TANC1: variants seen among roughly 807,000 people sequenced by gnomAD.
TANC1 encodes protein TANC1.
Under a neutral mutation model 149.7 loss-of-function variants are expected in TANC1, and 77 were observed. The observed-to-expected ratio is 0.51, with a 90% confidence interval of 0.43 to 0.62. TANC1 has a LOEUF of 0.62. TANC1 is among the 20% of genes least tolerant of loss of function. The pLI is 0.00. For missense variants in TANC1, 1,985 were observed against 2,321.8 expected, an observed-to-expected ratio of 0.85 and a Z score of 2.98; for synonymous variants, 854 against 925.0, an observed-to-expected ratio of 0.92 and a Z score of 1.39.
At chr2:159,227,549 C>A (rs999696208) in intron 24 of TANC1, 1 of 415,228 alleles carries the variant, frequency 2.4e-6, no homozygotes, top group Non-Finnish European at 4.2e-6. Flanking sequence ...TGGTAATTAT[C>A]AATCTAGCAG....
At chr2:158,987,523 G>A (rs1018255483) in intron 1 of TANC1, among the ~76,000 whole-genome samples, 9 of 152,054 alleles carry the variant, frequency 5.9e-5, no homozygotes, top group African/African-American at 2.2e-4. Flanking sequence ...GCGAGACCCT[G>A]TCTCAAAAAA....
chr2:159,128,859 T>C (rs191511263), intron 4 of TANC1, among the ~76,000 whole-genome samples: 33 of 152,342 alleles, frequency 2.2e-4, no homozygotes, highest in Non-Finnish European at 3.4e-4. Flanking sequence ...CCAAGACTTA[T>C]CTGGTAGTTT....
chr2:159,108,459 C>A (rs961639359), intron 4 of TANC1, among the ~76,000 whole-genome samples: 3 of 152,214 alleles, frequency 2.0e-5, no homozygotes, highest in Admixed American at 2.0e-4. Flanking sequence ...AACCCAGTAC[C>A]ATGCTCAGAA....
rs2060363699 is a variant in TANC1, at chr2:159,232,369, A to G, written c.*1357A>G. 6.6e-6 allele frequency: 1 copy of G among 152,624 alleles called. No homozygotes were observed. The highest frequency in any genetic ancestry group is 2.1e-4 in the South Asian group (1 of 4,826). The allele number at this position is 152,624 out of a possible 1,614,324, so 9.5% of individuals were successfully genotyped here. A position where few individuals can be genotyped will look rare whatever the true frequency, so the allele number is the denominator to read the frequency against. ...CTAAAATTGAGGAGAAGGAAGTTAT[A>G]TATTTGCAGAATGTTTTAAAGTGAA... On this transcript the variant is annotated 3_prime_UTR_variant, in exon 27 of 27. Coordinates refer to ENST00000263635, the MANE Select transcript of TANC1 (RefSeq NM_033394.3).
At chr2:159,057,836 GA>G (rs1185882335) in intron 2 of TANC1, among the ~76,000 whole-genome samples, 2 of 152,218 alleles carry the variant, frequency 1.3e-5, no homozygotes, top group African/African-American at 4.8e-5. Context: ...GGTGTGTTTT[GA>G]AGTGGGTGGG....
chr2:159,019,276 A>C (rs954875160), intron 2 of TANC1, among the ~76,000 whole-genome samples: 2 of 152,222 alleles, frequency 1.3e-5, no homozygotes, highest in African/African-American at 4.8e-5. Flanking sequence ...TGAAGGAAGC[A>C]GCCAGCGATC....
At chr2:159,172,804 C>A (rs1032582121) in intron 11 of TANC1, among the ~76,000 whole-genome samples, 1 of 152,224 alleles carries the variant, frequency 6.6e-6, no homozygotes, top group Non-Finnish European at 1.5e-5. Flanking sequence ...CAACCGCACT[C>A]CTGCATTAAA....
rs201833605 is a variant in TANC1, at chr2:159,149,152, C to T, written c.375C>T (p.Ala125=). 1.8e-4 allele frequency: 288 copies of T among 1,593,680 alleles called. No homozygotes were observed. In the East Asian group the frequency reaches 4.6e-3, roughly 25 times the overall value. The change falls in exon 6 of 27, where the codon GCC becomes GCT. Residue 125 remains alanine, a synonymous_variant. Transcript: ENST00000263635. ...PTEPDEHEAK[A]DNEPSCSPAA... ...CTTTCTTTGTTCCAGAAGCAAAGGCCGATAATGAACCGAGCTGTTCGCCGG... is the reference window on the plus strand; with the variant it reads ...CTTTCTTTGTTCCAGAAGCAAAGGCTGATAATGAACCGAGCTGTTCGCCGG...
intron 19 of TANC1, among the ~76,000 whole-genome samples, chr2:159,215,902 T>A (rs967335064): frequency 1.4e-5 from 2 of 143,774 alleles, no homozygotes; most frequent in African/African-American, 5.5e-5. Flanking sequence ...TTCTTGAAGC[T>A]TGCTAATGAT....
At chr2:159,081,641 G>A (rs1467261925) in intron 3 of TANC1, among the ~76,000 whole-genome samples, 1 of 152,168 alleles carries the variant, frequency 6.6e-6, no homozygotes, top group Admixed American at 6.5e-5. Context: ...TTTGGATTTT[G>A]TGTATGGGAG....
intron 4 of TANC1, among the ~76,000 whole-genome samples, chr2:159,107,519 G>A (rs1357529812): frequency 1.3e-5 from 2 of 152,116 alleles, no homozygotes; most frequent in Non-Finnish European, 2.9e-5. Context: ...TCATTTTCTT[G>A]TGTGATGTGA....
intron 2 of TANC1, among the ~76,000 whole-genome samples, chr2:159,008,557 T>G (rs1306883292): frequency 1.3e-5 from 2 of 152,166 alleles, no homozygotes; most frequent in African/African-American, 4.8e-5. Flanking sequence ...ACCCAAAACG[T>G]CGAATCTTAC....
intron 1 of TANC1, among the ~76,000 whole-genome samples, chr2:158,999,726 T>G (rs2036458386): frequency 2.0e-5 from 3 of 152,176 alleles, no homozygotes; most frequent in Admixed American, 1.3e-4. Context: ...CATATGTAAG[T>G]GGCTGATGAT....
At chr2:159,005,306 A>G (rs62174270) in intron 2 of TANC1, among the ~76,000 whole-genome samples, 8,425 of 152,290 alleles carry the variant, frequency 0.055, 325 homozygotes, top group Non-Finnish European at 0.084. Flanking sequence ...GAATAAAACT[A>G]AAGGCCAGGT....
rs534489533 is a variant in TANC1, at chr2:159,034,151, C to T, written c.-15-31745C>T. On this transcript the variant is annotated intron_variant, in intron 2 of 26. Transcript: ENST00000263635. ...GCCCTGCCTCTACCTGCCAAAGCAGCCGGACTCAATGCAGATGCCATGCAG... is the reference window on the plus strand; with the variant it reads ...GCCCTGCCTCTACCTGCCAAAGCAGTCGGACTCAATGCAGATGCCATGCAG... 2.0e-5 allele frequency among the ~76,000 whole-genome samples: 3 copies of T among 152,332 alleles called. No individual in the cohort carries two copies. The East Asian group carries it at 5.8e-4, about 29-fold the overall frequency.
chr2:159,174,953 G>A lies in TANC1; in HGVS notation c.1504G>A (p.Val502Met), dbSNP rs1378526031. 1 of 1,613,462 alleles carries A rather than the reference G, an allele frequency of 6.2e-7. No homozygotes were observed. The highest frequency in any genetic ancestry group is 2.2e-5 in the East Asian group (1 of 44,868). Residue 502 changes from valine (V) to methionine (M), a missense_variant and splice_region_variant, in exon 12 of 27, where the codon GTG (valine) becomes ATG (methionine). Transcript: ENST00000263635. ...EDAVKYLASK[V>M]VAYHYCQADN... ...TGCTGACGGTTCTGCTTCCCCCTAG[G>A]TGGTGGCCTACCACTACTGCCAGGC...
At chr2:159,027,703 G>A (rs1042182939) in intron 2 of TANC1, among the ~76,000 whole-genome samples, 3 of 152,096 alleles carry the variant, frequency 2.0e-5, no homozygotes, top group Admixed American at 1.3e-4. Flanking sequence ...TCAGCTATCT[G>A]TTATAGCAAT....
rs1298047237 is a variant in TANC1, at chr2:159,172,220, G to A, written c.1451G>A (p.Ser484Asn). The change falls in exon 11 of 27, where the codon AGT (serine) becomes AAT (asparagine). Residue 484 changes from serine (S) to asparagine (N), a missense_variant. Transcript: ENST00000263635. Reference sequence around the variant, plus strand: ...GCTAAAACACCTCTTGGGTCTATCAGTGCTGAAAACCAGAGACCAAGAGAG... The same window carrying A: ...GCTAAAACACCTCTTGGGTCTATCAATGCTGAAAACCAGAGACCAAGAGAG... The part of the protein sequence containing the change: ...STAKTPLGSI[S>N]AENQRPREDA... 1 of 1,614,070 alleles carries A rather than the reference G, an allele frequency of 6.2e-7. No individual in the cohort carries two copies. The highest frequency in any genetic ancestry group is 8.5e-7 in the Non-Finnish European group (1 of 1,180,032).
At chr2:159,205,244 C>T (rs1313141463) in intron 19 of TANC1, among the ~76,000 whole-genome samples, 1 of 152,232 alleles carries the variant, frequency 6.6e-6, no homozygotes, top group Non-Finnish European at 1.5e-5. Flanking sequence ...GGGCTTCCCA[C>T]ATCCAAGGCT....
Sources: gnomAD v4.1 joint callset for allele counts (sites outside exome capture counted in the v4.1 genomes callset) on GRCh38, gnomAD v4.1.1 for gene constraint, MANE v1.5 for transcripts, NCBI Gene and HGNC (gene_info 2026-07-23, HGNC 2026-07-21) for gene names.